The following COL27A1 variants were observed in gnomAD, a reference collection of about 807,000 sequenced individuals.
COL27A1 encodes collagen alpha-1(XXVII) chain.
Under a neutral mutation model 251.3 loss-of-function variants are expected in COL27A1, and 106 were observed. That is an observed-to-expected ratio of 0.42 (90% CI 0.36 to 0.50). The LOEUF (loss-of-function observed/expected upper bound fraction) is 0.50, where lower values mean the gene tolerates loss of function less well. Among genes scored for constraint, COL27A1 ranks in the 20% least tolerant of loss-of-function variants. COL27A1 has a pLI of 0.00. For missense variants in COL27A1, 2,325 were observed against 2,522.8 expected (o/e 0.92, Z 1.68); for synonymous variants, 1,000 against 986.3 (o/e 1.01, Z -0.26).
At chr9:114,157,094 A>G (rs1038076307) in intron 1 of COL27A1, among the ~76,000 whole-genome samples, 1 of 129,978 alleles carries the variant, frequency 7.7e-6, no homozygotes, top group African/African-American at 2.7e-5. Flanking sequence ...ACACACACAC[A>G]CACACACACA....
In COL27A1 at chr9:114,168,113, C is replaced by T; in HGVS notation, c.558C>T (p.His186=). The change falls in exon 3 of 61, where the codon CAC becomes CAT. Residue 186 remains histidine (H), a synonymous_variant. Coordinates refer to ENST00000356083, the MANE Select transcript of COL27A1 (RefSeq NM_032888.4). ...QRRVPVLLPF[H]RDPALDPGGS... The stretch of plus-strand genomic sequence containing the variant: ...GGGTGCCTGTCCTGCTGCCTTTCCA[C>T]AGGGACCCTGCACTCGACCCTGGGG... 1.2e-6 allele frequency: 2 copies of T among 1,612,566 alleles called. No individual in the cohort carries two copies. Among genetic ancestry groups the T allele is most frequent in the South Asian group, 2.2e-5 (2 of 91,092 alleles).
intron 41 of COL27A1, among the ~76,000 whole-genome samples, chr9:114,285,239 C>A (rs546723588): frequency 6.6e-6 from 1 of 152,222 alleles, no homozygotes; most frequent in African/African-American, 2.4e-5. Flanking sequence ...AAGGAGCCAC[C>A]AAGGCAGAGG....
At chr9:114,266,679 T>C (rs1564546875) in intron 33 of COL27A1, 61 bp downstream of exon 33, 13 of 1,446,750 alleles carry the variant, frequency 9.0e-6, no homozygotes, top group Non-Finnish European at 8.8e-6. Context: ...AGCCCTTCCC[T>C]TCCCTCCTCC....
chr9:114,291,273 G>A (rs1030565437), intron 48 of COL27A1, among the ~76,000 whole-genome samples: 12 of 152,198 alleles, frequency 7.9e-5, no homozygotes, highest in Admixed American at 4.6e-4. Context: ...GGAGGAGGGG[G>A]CCCCCATGAA....
At chr9:114,264,822 C>A in intron 29 of COL27A1, 102 bp from the exon 30 acceptor site, 1 of 1,251,202 alleles carries the variant, frequency 8.0e-7, no homozygotes, top group Non-Finnish European at 1.1e-6. Flanking sequence ...GACTCTGTGG[C>A]CTCAAACGGG....
chr9:114,259,180 A>G (rs896362655), intron 28 of COL27A1, among the ~76,000 whole-genome samples: 1 of 152,164 alleles, frequency 6.6e-6, no homozygotes, highest in African/African-American at 2.4e-5. Flanking sequence ...GTGATACAGG[A>G]GGTGGATGCT....
intron 3 of COL27A1, among the ~76,000 whole-genome samples, chr9:114,173,075 G>A (rs1193451472): frequency 6.6e-6 from 1 of 152,244 alleles, no homozygotes; most frequent in Non-Finnish European, 1.5e-5. Flanking sequence ...AGGAGTTGTA[G>A]CTGCTGAGTG....
chr9:114,287,770 G>A (rs1305247190), intron 41 of COL27A1, among the ~76,000 whole-genome samples: 1 of 152,172 alleles, frequency 6.6e-6, no homozygotes, highest in Non-Finnish European at 1.5e-5. Context: ...ACCATGGAGG[G>A]TAGGAGGTTC....
At chr9:114,263,354 A>G (rs1021999492) in intron 28 of COL27A1, among the ~76,000 whole-genome samples, 3 of 150,786 alleles carry the variant, frequency 2.0e-5, no homozygotes, top group Non-Finnish European at 4.4e-5. Flanking sequence ...TATCTGGGGG[A>G]GTATTGCGGG....
At chr9:114,213,753 C>G (rs1386329213) in intron 12 of COL27A1, among the ~76,000 whole-genome samples, 1 of 152,236 alleles carries the variant, frequency 6.6e-6, no homozygotes, top group Non-Finnish European at 1.5e-5. Context: ...CGATTATCCC[C>G]ATTTTCCAGA....
intron 55 of COL27A1, 45 bp from the exon 56 acceptor site, chr9:114,302,037 C>T (rs1224811533): frequency 1.9e-6 from 3 of 1,582,092 alleles, no homozygotes; most frequent in Non-Finnish European, 2.6e-6. Flanking sequence ...CAGATTCCAG[C>T]ACACTGTCCC....
Position 114,286,259 on chromosome 9 carries a change from G to A in COL27A1, c.3987+1482G>A, listed in dbSNP as rs1443616660. 3.3e-5 allele frequency among the ~76,000 whole-genome samples: 5 copies of A among 152,160 alleles called. No homozygotes were observed. In the South Asian group the frequency reaches 6.2e-4, roughly 19 times the overall value. On this transcript the variant is annotated intron_variant, in intron 41 of 60. Transcript: ENST00000356083. The stretch of plus-strand genomic sequence containing the variant: ...GGTGACCCATTGAGCACACGCCCAC[G>A]TGCAGAGTTCTTTCCCTGCCATTCC...
At position 114,290,906 on chromosome 9, in the gene COL27A1, C is replaced by A. The variant is rs1827865774; in HGVS notation, c.4465C>A (p.Pro1489Thr). ...CGGCTTACCTGGAGCACAGGGACCCCCAGGATTCAAGGTCAGATACCTCTT... is the reference window on the plus strand; with the variant it reads ...CGGCTTACCTGGAGCACAGGGACCCACAGGATTCAAGGTCAGATACCTCTT... ...VAGLPGAQGP[P>T]GFKGESGLPG... Residue 1489 changes from proline (P) to threonine (T), a missense_variant, in exon 48 of 61, where the codon CCA (proline) becomes ACA (threonine). Coordinates refer to ENST00000356083, the MANE Select transcript of COL27A1 (RefSeq NM_032888.4). This position sits in a 1 kb window ranked among gnomAD's most constrained non-coding sequence, Gnocchi z 4.6. 1.3e-6 allele frequency: 2 copies of A among 1,551,186 alleles called. No homozygotes were observed. The highest frequency in any genetic ancestry group is 1.7e-6 in the Non-Finnish European group (2 of 1,146,720).
At chr9:114,165,465 T>C (rs887493574) in intron 2 of COL27A1, among the ~76,000 whole-genome samples, 1 of 149,630 alleles carries the variant, frequency 6.7e-6, no homozygotes, top group Admixed American at 6.7e-5. Context: ...CACCCATCCA[T>C]CCATCTATCT....
At chr9:114,233,287 C>T (rs1362924882) in intron 16 of COL27A1, among the ~76,000 whole-genome samples, 2 of 152,188 alleles carry the variant, frequency 1.3e-5, no homozygotes, top group African/African-American at 4.8e-5. Context: ...ATTAGAATTG[C>T]TGGGTGAAAA....
chr9:114,230,458 G>A (rs781452616), intron 14 of COL27A1, among the ~76,000 whole-genome samples: 14 of 152,160 alleles, frequency 9.2e-5, no homozygotes, highest in South Asian at 4.1e-4. Flanking sequence ...TTTCTAGGTC[G>A]GGAACTCCAT....
chr9:114,302,726 C>CAAAAAAAAAA (rs60188308), intron 56 of COL27A1, among the ~76,000 whole-genome samples: 6 of 139,220 alleles, frequency 4.3e-5, no homozygotes, highest in South Asian at 2.3e-4. Context: ...ACAAAAAAAA[C>CAAAAAAAAAA]AAAAAAAAAA....
At chr9:114,227,819 T>C (rs566888087) in intron 14 of COL27A1, among the ~76,000 whole-genome samples, 1 of 152,234 alleles carries the variant, frequency 6.6e-6, no homozygotes, top group East Asian at 1.9e-4. Context: ...CATGGGGACA[T>C]GACATTCTGA....
chr9:114,302,082 G>A lies in COL27A1; in HGVS notation c.4846G>A (p.Gly1616Ser), dbSNP rs1429923739. The A allele has an allele frequency of 3.7e-6, 6 of 1,612,636 alleles. No individual in the cohort carries two copies. The highest frequency in any genetic ancestry group is 5.1e-6 in the Non-Finnish European group (6 of 1,178,784). The change falls in exon 56 of 61, where the codon GGT becomes AGT. Residue 1616 changes from glycine to serine, a missense_variant and splice_region_variant. This residue lies in a region of COL27A1 where 327 missense variants were observed against 442.8 expected (regional missense o/e 0.74). Coordinates refer to ENST00000356083, the MANE Select transcript of COL27A1 (RefSeq NM_032888.4). ...ACTGACCCGCAGTCTTCTTTTGCAGGGTCCTCCAGGGGGTCCTATCCAATT... is the reference window on the plus strand; with the variant it reads ...ACTGACCCGCAGTCTTCTTTTGCAGAGTCCTCCAGGGGGTCCTATCCAATT... ...PGPRGRPGPPGPPGGPIQLQQ... is the reference protein window; with the variant it reads ...PGPRGRPGPPSPPGGPIQLQQ...
Sources: allele counts gnomAD v4.1 joint callset (sites outside exome capture counted in the v4.1 genomes callset), GRCh38; gene constraint gnomAD v4.1.1; regional missense constraint gnomAD v4.1.1; non-coding constraint Gnocchi (gnomAD v3.1); transcripts MANE v1.5; gene names NCBI Gene and HGNC (gene_info 2026-07-23, HGNC 2026-07-21).